The following UQCC6 variants were observed in gnomAD, a reference collection of about 807,000 sequenced individuals.
UQCC6 encodes the protein ubiquinol-cytochrome c reductase complex assembly factor 6.
chr12:103,961,421 G>A, the UQCC6 span, among the ~76,000 whole-genome samples: 7 of 152,110 alleles, frequency 4.6e-5, no homozygotes, highest in East Asian at 1.9e-4. Context: ...CTACAGTAGC[G>A]TACAGCAATG....
the UQCC6 span, chr12:103,955,104 C>G: frequency 1.7e-6 from 1 of 580,698 alleles, no homozygotes; most frequent in Non-Finnish European, 3.1e-6. Context: ...CACTTGAGGC[C>G]AGGAGTTCAA....
the UQCC6 span, chr12:103,956,715 G>A: frequency 4.5e-6 from 7 of 1,551,674 alleles, no homozygotes; most frequent in Non-Finnish European, 5.2e-6. Context: ...TCAGGTAGGT[G>A]GACATGGGCA....
the UQCC6 span, chr12:103,950,511 T>G: frequency 6.6e-6 from 1 of 152,202 alleles, no homozygotes; most frequent in Non-Finnish European, 1.5e-5. Flanking sequence ...GAGGCATGGC[T>G]TTGAGCAAGG....
chr12:103,959,479 G>A, the UQCC6 span, among the ~76,000 whole-genome samples: 1 of 152,088 alleles, frequency 6.6e-6, no homozygotes, highest in Non-Finnish European at 1.5e-5. Flanking sequence ...TTGGGAGGCC[G>A]AGGCAGGCGG....
chr12:103,965,664 G>C, the UQCC6 span: 10 of 253,352 alleles, frequency 3.9e-5, no homozygotes, highest in Non-Finnish European at 6.8e-5. Context: ...AAATACTGGA[G>C]ACAAAAGCTG....
the UQCC6 span, chr12:103,956,851 G>A: frequency 1.4e-6 from 1 of 710,980 alleles, no homozygotes; most frequent in Non-Finnish European, 2.4e-6. Context: ...ACACACGGCG[G>A]CGGGGGTGCA....
chr12:103,959,775 C>A, the UQCC6 span, among the ~76,000 whole-genome samples: 2 of 148,986 alleles, frequency 1.3e-5, no homozygotes, highest in African/African-American at 4.9e-5. Flanking sequence ...TCCAAAGCAG[C>A]TATACAAATT....
chr12:103,960,862 C>T, the UQCC6 span, among the ~76,000 whole-genome samples: 1 of 151,980 alleles, frequency 6.6e-6, no homozygotes, highest in Non-Finnish European at 1.5e-5. Flanking sequence ...CAATTATGTA[C>T]ACTACATAAT....
chr12:103,963,363 A>C, the UQCC6 span, among the ~76,000 whole-genome samples: 1 of 152,230 alleles, frequency 6.6e-6, no homozygotes, highest in East Asian at 1.9e-4. Context: ...GGCATGAGCC[A>C]CTGCGCCCGG....
the UQCC6 span, among the ~76,000 whole-genome samples, chr12:103,964,559 A>C: frequency 6.6e-6 from 1 of 152,228 alleles, no homozygotes; most frequent in African/African-American, 2.4e-5. Flanking sequence ...CCCCGAGTGC[A>C]GACATCCTGA....
the UQCC6 span, among the ~76,000 whole-genome samples, chr12:103,952,047 A>G: frequency 6.6e-6 from 1 of 152,278 alleles, no homozygotes; most frequent in African/African-American, 2.4e-5. Flanking sequence ...TGCAAAGCAG[A>G]AAGCAGTATG....
At chr12:103,957,780 T>C in the UQCC6 span, among the ~76,000 whole-genome samples, 1 of 151,684 alleles carries the variant, frequency 6.6e-6, no homozygotes, top group Non-Finnish European at 1.5e-5. Context: ...GGCTTACGCC[T>C]GTAATCCCAG....
chr12:103,961,813 G>A, the UQCC6 span, among the ~76,000 whole-genome samples: 1 of 152,144 alleles, frequency 6.6e-6, no homozygotes, highest in African/African-American at 2.4e-5. Flanking sequence ...ACATGCCTCG[G>A]CCTCCCAAAG....
At chr12:103,951,468 T>C in the UQCC6 span, 2 of 1,043,974 alleles carry the variant, frequency 1.9e-6, no homozygotes, top group Non-Finnish European at 2.8e-6. Context: ...TTTGATGCAA[T>C]AAATTAAGAA....
chr12:103,950,705 A>T, the UQCC6 span: 2 of 152,234 alleles, frequency 1.3e-5, no homozygotes, highest in Non-Finnish European at 2.9e-5. Context: ...ATTGGAAGTC[A>T]CTTAGAACCA....
the UQCC6 span, chr12:103,953,309 C>A: frequency 1.4e-6 from 1 of 699,384 alleles, no homozygotes; most frequent in African/African-American, 1.7e-5. Flanking sequence ...CTCATATGTA[C>A]AGTATGAGAG....
the UQCC6 span, chr12:103,950,406 G>A: frequency 6.6e-6 from 1 of 152,222 alleles, no homozygotes; most frequent in Non-Finnish European, 1.5e-5. Context: ...AGGGAGTTGT[G>A]GTGGGCCCAG....
chr12:103,963,421 G>A, the UQCC6 span, among the ~76,000 whole-genome samples: 254 of 152,192 alleles, frequency 1.7e-3, 4 homozygotes, highest in South Asian at 0.045. Flanking sequence ...CTTAAGTCAG[G>A]CAGTATTAGC....
the UQCC6 span, chr12:103,951,574 C>T: frequency 5.8e-6 from 9 of 1,549,880 alleles, no homozygotes; most frequent in African/African-American, 4.1e-5. Flanking sequence ...TTCTTTCTTT[C>T]AGTCCCAAAA....
Sources: gnomAD v4.1 joint callset for allele counts (sites outside exome capture counted in the v4.1 genomes callset) on GRCh38, gnomAD v4.1.1 for gene constraint, MANE v1.5 for transcripts, NCBI Gene and HGNC (gene_info 2026-07-23, HGNC 2026-07-21) for gene names.